The following CSMD3 variants were observed in gnomAD, a reference collection of about 807,000 sequenced individuals.
CSMD3 encodes CUB and sushi domain-containing protein 3.
Under a neutral mutation model 435.2 loss-of-function variants are expected in CSMD3, and 177 were observed. That is an observed-to-expected ratio of 0.41 (90% CI 0.36 to 0.46). The LOEUF (loss-of-function observed/expected upper bound fraction) is 0.46, where lower values mean the gene tolerates loss of function less well. CSMD3 is among the 20% of genes least tolerant of loss of function. The probability of loss-of-function intolerance (pLI) is 0.34; values close to 1 mark genes in which losing one functional copy is unlikely to be tolerated. For missense variants in CSMD3, 4,265 were observed against 4,504.6 expected, an observed-to-expected ratio of 0.95 and a Z score of 1.52; for synonymous variants, 1,656 against 1,520.5, an observed-to-expected ratio of 1.09 and a Z score of -2.07.
Position 113,436,769 on chromosome 8 carries a change from C to A in CSMD3, c.86G>T (p.Arg29Leu), listed in dbSNP as rs1230951623. ...PGKRRCAKCG[R>L]LDFILMKKMG... ...TTTCTTCATCAGGATGAAGTCTAGGCGGCCACATTTAGCGCATCTTCGCTT... is the reference window on the plus strand; with the variant it reads ...TTTCTTCATCAGGATGAAGTCTAGGAGGCCACATTTAGCGCATCTTCGCTT... Residue 29 changes from arginine (R) to leucine (L), a missense_variant, in exon 1 of 71, where the codon CGC (arginine) becomes CTC (leucine). By Grantham distance (102) the Arg-to-Leu change is moderately radical. Around this residue, in one of 3 missense-constraint regions of CSMD3, gnomAD observed 731 missense variants for 755.4 expected, o/e 0.97. Transcript: ENST00000297405. 1 of 1,614,116 alleles carries A rather than the reference C, an allele frequency of 6.2e-7. No homozygotes were observed. The highest frequency in any genetic ancestry group is 8.5e-7 in the Non-Finnish European group (1 of 1,180,020).
At chr8:113,153,113 GAAAGAAAGAAAGAGAAA>G (rs2091855409) in intron 4 of CSMD3, among the ~76,000 whole-genome samples, 2 of 86,254 alleles carry the variant, frequency 2.3e-5, no homozygotes, top group Admixed American at 1.3e-4. Context: ...AAGAAAGAAA[GAAAGAAAGAAAGAGAAA>G]GAAGGAAGGA....
chr8:112,747,962 C>CAAAAAAAAAAAAAAAAAAAA lies in CSMD3; in HGVS notation c.1972+52180_1972+52199dup, dbSNP rs71309788. Among the ~76,000 whole-genome samples, 47 of 96,748 alleles carry CAAAAAAAAAAAAAAAAAAAA rather than the reference C, an allele frequency of 4.9e-4. 1 individual carries two copies. Among genetic ancestry groups the CAAAAAAAAAAAAAAAAAAAA allele is most frequent in the Middle Eastern group, 5.9e-3 (1 of 170 alleles). The allele number at this position is 96,748 out of a possible 152,430, so 63.5% of individuals were successfully genotyped here. A position where few individuals can be genotyped will look rare whatever the true frequency, so the allele number is the denominator to read the frequency against. ...TGGGCGACAGAACAAGACTCCGTCT[C>CAAAAAAAAAAAAAAAAAAAA]AAAAAAAAAAAAAAAAAAAAAAAAC... is the stretch of plus-strand genomic sequence containing the variant. On this transcript the variant is annotated intron_variant, in intron 13 of 70. Coordinates refer to ENST00000297405, the MANE Select transcript of CSMD3 (RefSeq NM_198123.2).
chr8:112,327,009 G>A (rs959314410), intron 45 of CSMD3, among the ~76,000 whole-genome samples: 5 of 152,084 alleles, frequency 3.3e-5, no homozygotes, highest in Admixed American at 6.6e-5. Flanking sequence ...GCGACAGAGT[G>A]AGACCCTGTC....
intron 1 of CSMD3, among the ~76,000 whole-genome samples, chr8:113,337,676 C>T (rs918119265): frequency 6.6e-6 from 1 of 151,686 alleles, no homozygotes; most frequent in Middle Eastern, 3.4e-3. Context: ...TAAATGATAC[C>T]ATAAGGAAAC....
chr8:113,364,768 T>C (rs980413622), intron 1 of CSMD3, among the ~76,000 whole-genome samples: 1 of 152,192 alleles, frequency 6.6e-6, no homozygotes, highest in Non-Finnish European at 1.5e-5. Context: ...GCGTTACTCA[T>C]TCTGTGCTAA....
At chr8:112,390,632 A>G (rs1336188398) in intron 36 of CSMD3, 32 bp downstream of exon 36, 2 of 1,575,108 alleles carry the variant, frequency 1.3e-6, no homozygotes, top group South Asian at 2.2e-5. Flanking sequence ...ACACACATAC[A>G]ATGAAAAGAA....
At chr8:112,607,405 T>C (rs965557731) in intron 22 of CSMD3, among the ~76,000 whole-genome samples, 1 of 152,010 alleles carries the variant, frequency 6.6e-6, no homozygotes, top group Non-Finnish European at 1.5e-5. Context: ...TATTTAACAT[T>C]TAAAGAATAA....
chr8:113,057,758 C>T (rs547630987), intron 5 of CSMD3, among the ~76,000 whole-genome samples: 1 of 151,864 alleles, frequency 6.6e-6, no homozygotes, highest in South Asian at 2.1e-4. Context: ...TTCTATTCTA[C>T]TTTTATATAT....
intron 22 of CSMD3, among the ~76,000 whole-genome samples, chr8:112,606,058 T>C (rs1457639371): frequency 6.6e-6 from 1 of 152,068 alleles, no homozygotes; most frequent in African/African-American, 2.4e-5. Context: ...CTTAAACAAG[T>C]ATCTACAAAC....
chr8:112,871,780 A>G (rs2081142620), intron 10 of CSMD3, among the ~76,000 whole-genome samples: 1 of 152,030 alleles, frequency 6.6e-6, no homozygotes, highest in South Asian at 2.1e-4. Flanking sequence ...TTGGGAGGAA[A>G]ACTCTTAATA....
intron 30 of CSMD3, among the ~76,000 whole-genome samples, chr8:112,499,832 G>A (rs1821759286): frequency 6.6e-6 from 1 of 151,618 alleles, no homozygotes; most frequent in East Asian, 1.9e-4. Flanking sequence ...TTAATAAGCA[G>A]TATTGGCCAG....
At position 112,292,646 on chromosome 8, in the gene CSMD3, A is replaced by G; in HGVS notation, c.8679T>C (p.Phe2893=). ...TGCATGAGAATGTTACCACATCATT[A>G]AAGTTGAACCCATTTCCACTTGTTC... ...YGRTSGNGFN[F]NDVVTFSCNI... The change falls in exon 55 of 71, where the codon TTT becomes TTC. Residue 2893 remains phenylalanine, a synonymous_variant. Transcript: ENST00000297405. The G allele has an allele frequency of 6.2e-7, 1 of 1,613,830 alleles. No homozygotes were observed. The highest frequency in any genetic ancestry group is 8.5e-7 in the Non-Finnish European group (1 of 1,179,784).
At chr8:112,329,219 G>A (rs1272551813) in intron 45 of CSMD3, among the ~76,000 whole-genome samples, 1 of 152,070 alleles carries the variant, frequency 6.6e-6, no homozygotes, top group Non-Finnish European at 1.5e-5. Flanking sequence ...TAATTGATAG[G>A]CATTGTCTCC....
intron 3 of CSMD3, among the ~76,000 whole-genome samples, chr8:113,231,401 T>C (rs2093084918): frequency 6.6e-6 from 1 of 151,412 alleles, no homozygotes; most frequent in African/African-American, 2.4e-5. Flanking sequence ...AGGCATAAAG[T>C]GCACTTTACT....
At chr8:112,995,165 T>C (rs928531635) in intron 6 of CSMD3, among the ~76,000 whole-genome samples, 1 of 151,198 alleles carries the variant, frequency 6.6e-6, no homozygotes, top group African/African-American at 2.4e-5. Context: ...AAGAGAAGAA[T>C]GGGAAAATAG....
chr8:113,371,264 TAAAA>T (rs1338780056), intron 1 of CSMD3, among the ~76,000 whole-genome samples: 1 of 152,042 alleles, frequency 6.6e-6, no homozygotes, highest in East Asian at 1.9e-4. Context: ...TAAATATTTT[TAAAA>T]AAACATTTAT....
intron 27 of CSMD3, among the ~76,000 whole-genome samples, chr8:112,528,824 T>C (rs1825239746): frequency 6.6e-6 from 1 of 152,038 alleles, no homozygotes; most frequent in African/African-American, 2.4e-5. Flanking sequence ...TCCCAGCTTC[T>C]CCCAGAGGAG....
At chr8:112,603,611 T>C (rs181253039) in intron 22 of CSMD3, among the ~76,000 whole-genome samples, 3 of 152,324 alleles carry the variant, frequency 2.0e-5, no homozygotes, top group Non-Finnish European at 2.9e-5. Flanking sequence ...AAAATGTTAA[T>C]TTTTTATAAT....
At chr8:113,138,424 T>C (rs1272847978) in intron 4 of CSMD3, among the ~76,000 whole-genome samples, 2 of 151,492 alleles carry the variant, frequency 1.3e-5, no homozygotes, top group Non-Finnish European at 3.0e-5. Context: ...TTTGCTGCCA[T>C]TTTAAATTGT....
Sources: gnomAD v4.1 joint callset for allele counts (sites outside exome capture counted in the v4.1 genomes callset) on GRCh38, gnomAD v4.1.1 for gene constraint, gnomAD v4.1.1 regional missense constraint, MANE v1.5 for transcripts, NCBI Gene and HGNC (gene_info 2026-07-23, HGNC 2026-07-21) for gene names.